ZNF831: variants seen among roughly 807,000 people sequenced by gnomAD.
ZNF831 encodes the protein chromosome 20 open reading frame 174.
In ZNF831, 59 loss-of-function variants were observed where a neutral mutation model predicts 95.8. That is an observed-to-expected ratio of 0.62 (90% confidence interval 0.50 to 0.77). ZNF831 has a LOEUF of 0.77. Ranked by LOEUF, ZNF831 falls within the 30% of genes least tolerant of loss-of-function variation. The probability of loss-of-function intolerance (pLI) is 0.00; values close to 1 mark genes in which losing one functional copy is unlikely to be tolerated. For synonymous variants in ZNF831, 961 were observed against 925.5 expected, an observed-to-expected ratio of 1.04 and a Z score of -0.70; for missense variants, 2,205 against 2,164.0, an observed-to-expected ratio of 1.02 and a Z score of -0.38.
chr20:59,139,779 T>G (rs1326933817), intron 1 of ZNF831, among the ~76,000 whole-genome samples: 1 of 152,196 alleles, frequency 6.6e-6, no homozygotes, highest in Non-Finnish European at 1.5e-5. Context: ...ACTTTCAATC[T>G]TTTTATGGAT....
chr20:59,193,641 G>C lies in ZNF831; in HGVS notation c.2622G>C (p.Arg874Ser), dbSNP rs1601374127. The C allele has an allele frequency of 6.2e-7, 1 of 1,612,622 alleles. No individual in the cohort carries two copies. Among genetic ancestry groups the C allele is most frequent in the Non-Finnish European group, 8.5e-7 (1 of 1,179,660 alleles). ...CAGGGGGCTCAAAGGAGAGTGCCAG[G>C]CAGGTGGGCGAGCCTCTGGAGTCCT... ...EVPGGSKESARQVGEPLESSG... is the reference protein window; with the variant it reads ...EVPGGSKESASQVGEPLESSG... The change falls in exon 2 of 6, where the codon AGG (arginine) becomes AGC (serine). Residue 874 changes from arginine (R) to serine (S), a missense_variant. Physicochemically the swap from Arg to Ser is moderately radical, Grantham distance 110. Coordinates refer to ENST00000371030, the MANE Select transcript of ZNF831 (RefSeq NM_178457.3).
chr20:59,127,247 A>C (rs1979202007), intron 1 of ZNF831, among the ~76,000 whole-genome samples: 1 of 152,006 alleles, frequency 6.6e-6, no homozygotes, highest in Non-Finnish European at 1.5e-5. Context: ...CTGTCTCTTG[A>C]GTCCACGTCA....
At chr20:59,182,258 G>A (rs1387185425) in intron 1 of ZNF831, among the ~76,000 whole-genome samples, 4 of 152,168 alleles carry the variant, frequency 2.6e-5, no homozygotes, top group Non-Finnish European at 5.9e-5. Context: ...GATGTCTCAG[G>A]CAGATCAAGG....
In ZNF831 at chr20:59,168,072, G is replaced by T. The variant is rs576925530; in HGVS notation, c.-37+3865G>T. Among the ~76,000 whole-genome samples the T allele has an allele frequency of 3.9e-5, 6 of 152,196 alleles. No homozygotes were observed. In the South Asian group the frequency reaches 1.2e-3, roughly 32 times the overall value. Reference sequence around the variant, plus strand: ...CTTCAAACTTGTTTGAGTTATTCCAGTTCTTTTGCCTTTCTATATAAATTT... The same window carrying T: ...CTTCAAACTTGTTTGAGTTATTCCATTTCTTTTGCCTTTCTATATAAATTT... On this transcript the variant is annotated intron_variant, in intron 1 of 5. Transcript: ENST00000371030.
intron 4 of ZNF831, among the ~76,000 whole-genome samples, chr20:59,231,479 A>G (rs1430942206): frequency 6.6e-6 from 1 of 152,180 alleles, no homozygotes; most frequent in Non-Finnish European, 1.5e-5. Flanking sequence ...AATCTTATTC[A>G]TTATTGTGCT....
chr20:59,155,153 TC>T (rs1980467806), intron 2 of ZNF831, among the ~76,000 whole-genome samples: 1 of 152,220 alleles, frequency 6.6e-6, no homozygotes, highest in South Asian at 2.1e-4. Flanking sequence ...AGCTTTTTTT[TC>T]ATTACAATCT....
chr20:59,203,942 G>A (rs1482029931), intron 3 of ZNF831, among the ~76,000 whole-genome samples: 2 of 152,146 alleles, frequency 1.3e-5, no homozygotes, highest in Non-Finnish European at 2.9e-5. Context: ...AAGCAAGCGC[G>A]GGATCATGGA....
Position 59,150,429 on chromosome 20 carries a change from A to G in ZNF831, c.-1281+4055A>G, listed in dbSNP as rs552582924. The stretch of plus-strand genomic sequence containing the variant: ...AATGGGAATTTCAGGTGAACAATGA[A>G]TACTTTGTTAGTATAAGCGTGTCCC... On this transcript the variant is annotated intron_variant, in intron 2 of 7. Transcript: ENST00000637017. 3.9e-5 allele frequency among the ~76,000 whole-genome samples: 6 copies of G among 152,370 alleles called. No homozygotes were observed. The South Asian group carries it at 1.2e-3, about 32-fold the overall frequency.
chr20:59,201,015 G>A (rs1984492965), intron 3 of ZNF831, among the ~76,000 whole-genome samples: 1 of 152,132 alleles, frequency 6.6e-6, no homozygotes, highest in Non-Finnish European at 1.5e-5. Context: ...GAAAAGCCTG[G>A]ATCATATGGT....
Position 59,144,375 on chromosome 20 carries a change from A to G in ZNF831, c.-1424-1856A>G, listed in dbSNP as rs190819663. ...ATTCCTCACCTTCTGCACTCCTGAC[A>G]TGGAAGCCTTGATCAGTTCTCTGTG... On this transcript the variant is annotated intron_variant, in intron 1 of 7. Coordinates refer to the ZNF831 transcript ENST00000637017. Among the ~76,000 whole-genome samples, 26 of 152,120 alleles carry G rather than the reference A, an allele frequency of 1.7e-4. No homozygotes were observed. In the East Asian group the frequency reaches 4.1e-3, roughly 24 times the overall value.
intron 3 of ZNF831, among the ~76,000 whole-genome samples, chr20:59,196,767 C>A (rs1009453966): frequency 6.6e-6 from 1 of 152,062 alleles, no homozygotes; most frequent in Non-Finnish European, 1.5e-5. Flanking sequence ...CATTCTCCCC[C>A]AGACTGTCAG....
chr20:59,250,949 A>G (rs1015922238), intron 4 of ZNF831, among the ~76,000 whole-genome samples: 3 of 152,048 alleles, frequency 2.0e-5, no homozygotes, highest in East Asian at 1.9e-4. Context: ...AACAGAAGGG[A>G]AAAAAAATCA....
At chr20:59,194,814 A>G in intron 2 of ZNF831, 57 bp downstream of exon 2, 1 of 1,491,220 alleles carries the variant, frequency 6.7e-7, no homozygotes, top group Non-Finnish European at 8.9e-7. Flanking sequence ...GTTATCCCGT[A>G]AGACCTCTCA....
At chr20:59,249,217 CA>C (rs1327591262) in intron 4 of ZNF831, among the ~76,000 whole-genome samples, 7 of 152,190 alleles carry the variant, frequency 4.6e-5, no homozygotes, top group African/African-American at 1.7e-4. Flanking sequence ...CTATATAAAA[CA>C]GTCCTCCCTG....
chr20:59,238,325 G>A (rs1305705597), intron 4 of ZNF831, among the ~76,000 whole-genome samples: 1 of 152,192 alleles, frequency 6.6e-6, no homozygotes, highest in African/African-American at 2.4e-5. Context: ...GAGCTGGGAA[G>A]CTGGTTCCCA....
At chr20:59,240,756 G>T (rs568961941) in intron 4 of ZNF831, among the ~76,000 whole-genome samples, 4 of 151,938 alleles carry the variant, frequency 2.6e-5, no homozygotes, top group Non-Finnish European at 5.9e-5. Flanking sequence ...GAGCCAAGAT[G>T]GCGCCACTGC....
At chr20:59,221,734 T>C (rs970584568) in intron 4 of ZNF831, among the ~76,000 whole-genome samples, 3 of 152,234 alleles carry the variant, frequency 2.0e-5, no homozygotes, top group African/African-American at 7.2e-5. Context: ...GCTTGCTTAT[T>C]TCCTTAACTT....
At chr20:59,175,911 G>A (rs73306901) in intron 1 of ZNF831, among the ~76,000 whole-genome samples, 3,373 of 152,284 alleles carry the variant, frequency 0.022, 144 homozygotes, top group African/African-American at 0.078. Context: ...GCTCTGACTG[G>A]GGAAGAGATG....
chr20:59,189,614 C>G (rs1432029722), intron 1 of ZNF831, among the ~76,000 whole-genome samples: 2 of 152,222 alleles, frequency 1.3e-5, no homozygotes, highest in Non-Finnish European at 2.9e-5. Context: ...AGGATTCTAG[C>G]AATTCTCCTG....
Sources: gnomAD v4.1 joint callset for allele counts (sites outside exome capture counted in the v4.1 genomes callset) on GRCh38, gnomAD v4.1.1 for gene constraint, MANE v1.5 for transcripts, NCBI Gene and HGNC (gene_info 2026-07-23, HGNC 2026-07-21) for gene names.